Variants in STON2 observed in about 807,000 individuals in gnomAD.
STON2 encodes the protein stonin 2.
Under a neutral mutation model 65.7 loss-of-function variants are expected in STON2, and 29 were observed. That is an observed-to-expected ratio of 0.44 (90% CI 0.33 to 0.60). The LOEUF is 0.60. STON2 is among the 20% of genes least tolerant of loss of function. The pLI, the probability that STON2 is intolerant of heterozygous loss-of-function variation, is 0.03. For missense variants in STON2, 1,054 were observed against 1,118.1 expected (o/e 0.94, Z 0.82); for synonymous variants, 404 against 414.2 (o/e 0.98, Z 0.30).
rs776069774 is a variant in STON2 at position 81,278,147 on chromosome 14, G to C, written c.1335C>G (p.Leu445=). ...HSDAVEKLKQ[L]QIDDPDHFGS... ...CAAAGTGATCAGGGTCATCAATTTG[G>C]AGTTGTTTGAGTTTTTCAACAGCAT... Residue 445 remains leucine, a synonymous_variant, in exon 6 of 8, where the codon CTC becomes CTG. Transcript: ENST00000614646. 1 of 1,614,186 alleles carries C rather than the reference G, an allele frequency of 6.2e-7. No homozygotes were observed.
In STON2 at chr14:81,276,951, G is replaced by T; in HGVS notation, c.2531C>A (p.Ala844Asp). 1 of 1,614,206 alleles carries T rather than the reference G, an allele frequency of 6.2e-7. No individual in the cohort carries two copies. The highest frequency in any genetic ancestry group is 2.2e-5 in the East Asian group (1 of 44,876). ...TATCCTCCACACAATGGAGTTGAAG[G>T]CATGCTCGTACTTGGCAGTTCCCAG... ...VTLGTAKYEH[A>D]FNSIVWRINR... Residue 844 changes from alanine (A) to aspartate (D), a missense_variant, in exon 6 of 8, where the codon GCC becomes GAC. Physicochemically the swap from Ala to Asp is moderately radical, Grantham distance 126. Transcript: ENST00000614646.
At chr14:81,351,098 G>A (rs895429711) in intron 4 of STON2, among the ~76,000 whole-genome samples, 23 of 151,808 alleles carry the variant, frequency 1.5e-4, no homozygotes, top group African/African-American at 5.3e-4. Flanking sequence ...AATTATGACC[G>A]GAGGAACTAC....
chr14:81,305,783 G>A (rs1488839239), intron 5 of STON2, among the ~76,000 whole-genome samples: 1 of 151,012 alleles, frequency 6.6e-6, no homozygotes, highest in African/African-American at 2.4e-5. Context: ...TATTTTTAAG[G>A]GACTTACCTT....
Position 81,260,881 on chromosome 14 carries a change from T to C in STON2, c.*7533A>G, listed in dbSNP as rs1040341825. On this transcript the variant is annotated 3_prime_UTR_variant, in exon 8 of 8. Coordinates refer to ENST00000614646, the MANE Select transcript of STON2 (RefSeq NM_001394390.1). ...AGAATGGATGATGAATGATGGAAAA[T>C]GTAAGGCTTGGAACAGCTGAATCAT... 1.3e-5 allele frequency: 2 copies of C among 151,766 alleles called. No homozygotes were observed. The highest frequency in any genetic ancestry group is 2.9e-5 in the Non-Finnish European group (2 of 67,982). The allele number at this position is 151,766 out of a possible 1,614,324, so 9.4% of individuals were successfully genotyped here. A position where few individuals can be genotyped will look rare whatever the true frequency, so the allele number is the denominator to read the frequency against.
In STON2 at chr14:81,412,967, A is replaced by C; in HGVS notation, c.-199+14135T>G. 3 of 1,022,878 alleles carry C rather than the reference A, an allele frequency of 2.9e-6. 1 individual carries two copies. Among genetic ancestry groups the C allele is most frequent in the Admixed American group, 3.7e-5 (2 of 54,432 alleles). 63.4% of individuals were successfully genotyped at this position (1,022,878 alleles called of 1,614,324 possible). A position where few individuals can be genotyped will look rare whatever the true frequency, so the allele number is the denominator to read the frequency against. On this transcript the variant is annotated intron_variant, in intron 2 of 8. Coordinates refer to the STON2 transcript ENST00000553821. ...CAGCCAGCCCCCTTCTCCATGGGTA[A>C]CCATGTGCGACCAAAAGGCCGTGAT... is the stretch of plus-strand genomic sequence containing the variant.
intron 4 of STON2, among the ~76,000 whole-genome samples, chr14:81,326,396 A>C (rs561883412): frequency 6.6e-6 from 1 of 152,306 alleles, no homozygotes; most frequent in East Asian, 1.9e-4. Context: ...AGATTGGCTC[A>C]TACAACCCCT....
In STON2 at chr14:81,263,270, G is replaced by A. The variant is rs114952036; in HGVS notation, c.*5144C>T. ...TTATGCTATTTTGGCCAGGCGCGGCGGCTCATGCCTGTTATCCTAGCACTC... is the reference window on the plus strand; with the variant it reads ...TTATGCTATTTTGGCCAGGCGCGGCAGCTCATGCCTGTTATCCTAGCACTC... On this transcript the variant is annotated 3_prime_UTR_variant, in exon 8 of 8. Transcript: ENST00000614646. 2,216 of 584,330 alleles carry A rather than the reference G, an allele frequency of 3.8e-3. 49 individuals are homozygous for A. The African/African-American group carries it at 0.041, about 11-fold the overall frequency. The allele number at this position is 584,330 out of a possible 1,614,324, so 36.2% of individuals were successfully genotyped here.
At chr14:81,333,351 A>G in intron 4 of STON2, 1 of 514,880 alleles carries the variant, frequency 1.9e-6, no homozygotes, top group Admixed American at 2.5e-5. Flanking sequence ...GATAGTTACC[A>G]TGTCATTCAT....
intron 2 of STON2, among the ~76,000 whole-genome samples, chr14:81,419,549 A>C (rs1901601742): frequency 6.6e-6 from 1 of 152,186 alleles, no homozygotes; most frequent in Non-Finnish European, 1.5e-5. Context: ...CATCTGCCCA[A>C]TTCCCCTAAA....
upstream of STON2, among the ~76,000 whole-genome samples, chr14:81,402,178 A>G (rs1595447300): frequency 6.6e-6 from 1 of 152,296 alleles, no homozygotes; most frequent in African/African-American, 2.4e-5. Context: ...TGACTCAAGA[A>G]GTGTGCTTAA....
intron 5 of STON2, among the ~76,000 whole-genome samples, chr14:81,310,086 T>G (rs1222021748): frequency 6.6e-6 from 1 of 152,200 alleles, no homozygotes; most frequent in Non-Finnish European, 1.5e-5. Flanking sequence ...CCTGAATTCA[T>G]CTTGTCTTTA....
Position 81,412,937 on chromosome 14 carries a change from G to A in STON2, c.-199+14165C>T. ...CTTAGCACCTCCCCAGGAGACCGTTGCAGTCAGCCAGCCCCCTTCTCCATG... is the reference window on the plus strand; with the variant it reads ...CTTAGCACCTCCCCAGGAGACCGTTACAGTCAGCCAGCCCCCTTCTCCATG... On this transcript the variant is annotated intron_variant, in intron 2 of 8. Transcript: ENST00000553821. The A allele has an allele frequency of 2.6e-6, 2 of 760,320 alleles. 1 individual carries two copies. 47.1% of individuals were successfully genotyped at this position (760,320 alleles called of 1,614,324 possible). A position where few individuals can be genotyped will look rare whatever the true frequency, so the allele number is the denominator to read the frequency against.
intron 2 of STON2, among the ~76,000 whole-genome samples, chr14:81,419,941 G>C (rs1195001793): frequency 6.6e-6 from 1 of 152,158 alleles, no homozygotes; most frequent in East Asian, 1.9e-4. Flanking sequence ...TGGGAACTAA[G>C]GTACCTCAAA....
chr14:81,411,129 A>T (rs530685912), intron 2 of STON2, among the ~76,000 whole-genome samples: 1 of 152,330 alleles, frequency 6.6e-6, no homozygotes, highest in African/African-American at 2.4e-5. Flanking sequence ...GTTAAGGAAA[A>T]TTTTGGGGTA....
rs189501045 is a variant in STON2 at position 81,422,490 on chromosome 14, C to T, written c.-199+4612G>A. On this transcript the variant is annotated intron_variant, in intron 2 of 8. Coordinates refer to the STON2 transcript ENST00000553821. The stretch of plus-strand genomic sequence containing the variant: ...TTACCCAGTCTTGGGTGTTCCTTAA[C>T]AGCAACACAAACACACTGAGACACC... 2.6e-5 allele frequency among the ~76,000 whole-genome samples: 4 copies of T among 152,246 alleles called. No homozygotes were observed. The East Asian group carries it at 7.7e-4, about 29-fold the overall frequency.
intron 3 of STON2, 83 bp from the exon 4 acceptor site, chr14:81,371,268 T>A: frequency 7.9e-7 from 1 of 1,272,224 alleles, no homozygotes; most frequent in Non-Finnish European, 1.1e-6. Flanking sequence ...ACTTTGATGT[T>A]GCTCACATCA....
chr14:81,431,726 C>T lies in STON2; in HGVS notation c.-309-4514G>A, dbSNP rs142869630. Reference sequence around the variant, plus strand: ...CCGGGAGCCGGAGGTTGCAGTAAGCCGATATTGCGCACTGCACTCTAGGCT... The same window carrying T: ...CCGGGAGCCGGAGGTTGCAGTAAGCTGATATTGCGCACTGCACTCTAGGCT... On this transcript the variant is annotated intron_variant, in intron 1 of 8. Coordinates refer to the STON2 transcript ENST00000553821. Among the ~76,000 whole-genome samples the T allele has an allele frequency of 2.8e-3, 426 of 150,848 alleles. 3 individuals are homozygous for T. Among genetic ancestry groups the T allele is most frequent in the African/African-American group, 9.5e-3 (387 of 40,952 alleles).
chr14:81,269,465 C>T, intron 7 of STON2: 2 of 985,432 alleles, frequency 2.0e-6, no homozygotes, highest in Non-Finnish European at 2.4e-6. Flanking sequence ...TCTTTGATAG[C>T]TCAGGCAAGG....
intron 4 of STON2, among the ~76,000 whole-genome samples, chr14:81,341,292 GA>G (rs1471509270): frequency 6.6e-6 from 1 of 152,140 alleles, no homozygotes; most frequent in Non-Finnish European, 1.5e-5. Context: ...TGATAGGCCT[GA>G]AAAGCATTCA....
Sources: allele counts gnomAD v4.1 joint callset (sites outside exome capture counted in the v4.1 genomes callset), GRCh38; gene constraint gnomAD v4.1.1; transcripts MANE v1.5; gene names NCBI Gene and HGNC (gene_info 2026-07-23, HGNC 2026-07-21).